CSMD1: variants seen among roughly 807,000 people sequenced by gnomAD.
CSMD1 encodes CUB and sushi domain-containing protein 1.
Under a neutral mutation model 417.5 loss-of-function variants are expected in CSMD1, and 213 were observed. The observed-to-expected ratio is 0.51, with a 90% CI of 0.46 to 0.57. The LOEUF (loss-of-function observed/expected upper bound fraction) is 0.57. Ranked by LOEUF, CSMD1 falls within the 20% of genes least tolerant of loss-of-function variation. The pLI, the probability that CSMD1 is intolerant of heterozygous loss-of-function variation, is 0.00. For missense variants in CSMD1, 6,923 were observed against 4,529.7 expected, an observed-to-expected ratio of 1.53 and a Z score of -15.17; for synonymous variants, 2,862 against 1,736.8, an observed-to-expected ratio of 1.65 and a Z score of -16.11.
intron 8 of CSMD1, among the ~76,000 whole-genome samples, chr8:3,599,877 T>G (rs926820272): frequency 6.6e-6 from 1 of 151,934 alleles, no homozygotes; most frequent in Admixed American, 6.6e-5. Context: ...TGTAATGGAG[T>G]GAGATGGTTG....
At chr8:3,560,234 T>C (rs973334659) in intron 10 of CSMD1, among the ~76,000 whole-genome samples, 6 of 152,146 alleles carry the variant, frequency 3.9e-5, no homozygotes, top group African/African-American at 1.4e-4. Context: ...ATTATATTAA[T>C]AGAAGGATAA....
At chr8:3,883,186 G>A (rs940502407) in intron 5 of CSMD1, among the ~76,000 whole-genome samples, 1 of 152,102 alleles carries the variant, frequency 6.6e-6, no homozygotes, top group African/African-American at 2.4e-5. Flanking sequence ...GGGTGCAAAT[G>A]CAAGAAATGC....
intron 1 of CSMD1, chr8:4,787,595 C>A (rs1453203099): frequency 2.4e-5 from 37 of 1,539,810 alleles, no homozygotes; most frequent in Non-Finnish European, 1.5e-5. Context: ...CGAAATGATT[C>A]CAATTGAATG....
At chr8:4,507,174 A>G (rs2130318667) in intron 2 of CSMD1, among the ~76,000 whole-genome samples, 1 of 152,322 alleles carries the variant, frequency 6.6e-6, no homozygotes, top group African/African-American at 2.4e-5. Flanking sequence ...TTACTGAAAA[A>G]AAGTATTGCC....
chr8:3,905,952 T>C (rs1309464599), intron 5 of CSMD1, among the ~76,000 whole-genome samples: 5 of 152,206 alleles, frequency 3.3e-5, no homozygotes, highest in East Asian at 3.9e-4. Context: ...CCCTCAACCA[T>C]ACCTTTTGAT....
intron 38 of CSMD1, among the ~76,000 whole-genome samples, chr8:3,158,798 T>C (rs1221513993): frequency 6.6e-6 from 1 of 152,106 alleles, no homozygotes; most frequent in East Asian, 1.9e-4. Flanking sequence ...GGTTTGCTTA[T>C]CTCATAAATT....
intron 4 of CSMD1, among the ~76,000 whole-genome samples, chr8:4,012,087 A>C (rs17068542): frequency 0.12 from 18,285 of 152,184 alleles, 1,290 homozygotes; most frequent in South Asian, 0.22. Flanking sequence ...GCTATATTGT[A>C]GACATAGCCA....
At chr8:4,740,015 G>A (rs1563262064) in intron 1 of CSMD1, among the ~76,000 whole-genome samples, 1 of 152,028 alleles carries the variant, frequency 6.6e-6, no homozygotes, top group African/African-American at 2.4e-5. Flanking sequence ...CCCACCCTGA[G>A]CTTCAGCATC....
chr8:3,632,547 G>A (rs970323120), intron 7 of CSMD1, among the ~76,000 whole-genome samples: 5 of 152,166 alleles, frequency 3.3e-5, no homozygotes, highest in African/African-American at 4.8e-5. Context: ...CAAGTGGGAT[G>A]TCTGGCTTCT....
At chr8:3,286,630 G>A (rs1437589333) in intron 25 of CSMD1, among the ~76,000 whole-genome samples, 1 of 151,202 alleles carries the variant, frequency 6.6e-6, no homozygotes, top group Non-Finnish European at 1.5e-5. Context: ...GTCTTCTTTT[G>A]AGAAGTGTCT....
At chr8:3,973,568 A>G (rs1813221413) in intron 5 of CSMD1, among the ~76,000 whole-genome samples, 1 of 152,216 alleles carries the variant, frequency 6.6e-6, no homozygotes, top group South Asian at 2.1e-4. Flanking sequence ...TTGTCATTCT[A>G]GAATTTTAAA....
intron 3 of CSMD1, among the ~76,000 whole-genome samples, chr8:4,321,909 C>G (rs1799292923): frequency 6.6e-6 from 1 of 151,786 alleles, no homozygotes; most frequent in Admixed American, 6.6e-5. Flanking sequence ...AGACTTTTGC[C>G]TTTTATTACA....
chr8:4,917,824 G>C (rs1806173715), intron 1 of CSMD1, among the ~76,000 whole-genome samples: 2 of 151,834 alleles, frequency 1.3e-5, no homozygotes, highest in Non-Finnish European at 2.9e-5. Flanking sequence ...GTGTGGCAGT[G>C]GTTCAGATGG....
At chr8:4,211,191 G>C (rs1700072) in intron 3 of CSMD1, among the ~76,000 whole-genome samples, 17,489 of 151,284 alleles carry the variant, frequency 0.12, 1,219 homozygotes, top group Middle Eastern at 0.17. Context: ...GTATTTCAGG[G>C]AAAGTCATTT....
chr8:3,562,467 GCA>G (rs1290228907), intron 10 of CSMD1, among the ~76,000 whole-genome samples: 1 of 102,848 alleles, frequency 9.7e-6, no homozygotes, highest in Non-Finnish European at 2.1e-5. Flanking sequence ...GCATATATAT[GCA>G]CACACACACA....
intron 5 of CSMD1, among the ~76,000 whole-genome samples, chr8:3,853,008 C>T (rs958551751): frequency 6.6e-6 from 1 of 152,136 alleles, no homozygotes; most frequent in African/African-American, 2.4e-5. Context: ...GACATCACCT[C>T]GTCCCCAACA....
intron 5 of CSMD1, among the ~76,000 whole-genome samples, chr8:3,941,657 G>A (rs976684972): frequency 6.6e-6 from 1 of 152,170 alleles, no homozygotes; most frequent in Non-Finnish European, 1.5e-5. Context: ...TTTTTCAACT[G>A]CAAGCCCACG....
In CSMD1 at chr8:3,118,468, C is replaced by T; in HGVS notation, c.6361G>A (p.Gly2121Ser). Residue 2121 changes from glycine (G) to serine (S), a missense_variant, in exon 42 of 70, where the codon GGC (glycine) becomes AGC (serine). Gly to Ser is a moderately conservative substitution (Grantham distance 56, BLOSUM62 0). Transcript: ENST00000635120. ...FECYPGYILI[G>S]HPVLTCQHGI... The stretch of plus-strand genomic sequence containing the variant: ...TGCTGACAAGTGAGGACAGGATGGC[C>T]TATTAGAATGTACCCAGGATAACAC... The T allele has an allele frequency of 6.2e-7, 1 of 1,613,852 alleles. No homozygotes were observed. The highest frequency in any genetic ancestry group is 1.1e-5 in the South Asian group (1 of 91,076).
chr8:3,564,533 G>GTGTGTA (rs1349754464), intron 10 of CSMD1, among the ~76,000 whole-genome samples: 3 of 151,520 alleles, frequency 2.0e-5, no homozygotes, highest in African/African-American at 7.3e-5. Flanking sequence ...GTGTGTGTGT[G>GTGTGTA]TGTGTGTGTG....
Sources: allele counts gnomAD v4.1 joint callset (sites outside exome capture counted in the v4.1 genomes callset), GRCh38; gene constraint gnomAD v4.1.1; transcripts MANE v1.5; gene names NCBI Gene and HGNC (gene_info 2026-07-23, HGNC 2026-07-21).